LRRC4C: variants seen among roughly 807,000 people sequenced by gnomAD.
LRRC4C encodes leucine rich repeat containing 4C.
LRRC4C carries 5 observed loss-of-function variants against 33.6 expected under a neutral mutation model. That is an observed-to-expected ratio of 0.15 (90% CI 0.08 to 0.31). The LOEUF (loss-of-function observed/expected upper bound fraction) is 0.31, where lower values mean the gene tolerates loss of function less well. Ranked by LOEUF, LRRC4C falls within the 10% of genes least tolerant of loss-of-function variation. LRRC4C has a pLI of 1.00. For missense variants in LRRC4C, 560 were observed against 796.7 expected, an observed-to-expected ratio of 0.70 and a Z score of 3.58; for synonymous variants, 329 against 302.0, an observed-to-expected ratio of 1.09 and a Z score of -0.93.
chr11:40,499,964 T>C (rs1954662343), intron 3 of LRRC4C, among the ~76,000 whole-genome samples: 1 of 152,058 alleles, frequency 6.6e-6, no homozygotes, highest in African/African-American at 2.4e-5. Flanking sequence ...TGGGTGTTTT[T>C]CATGGTGGGC....
intron 3 of LRRC4C, among the ~76,000 whole-genome samples, chr11:40,443,649 C>T (rs1951495917): frequency 6.6e-6 from 1 of 152,140 alleles, no homozygotes; most frequent in South Asian, 2.1e-4. Context: ...TCAGTGGCAA[C>T]TCAGTTAATA....
intron 1 of LRRC4C, among the ~76,000 whole-genome samples, chr11:41,026,701 C>G (rs1856391744): frequency 6.6e-6 from 1 of 151,404 alleles, no homozygotes; most frequent in African/African-American, 2.4e-5. Context: ...ACCACCTTCA[C>G]CATTCAGCAG....
chr11:40,438,826 T>C (rs1026782519), intron 3 of LRRC4C, among the ~76,000 whole-genome samples: 1 of 152,120 alleles, frequency 6.6e-6, no homozygotes, highest in Non-Finnish European at 1.5e-5. Context: ...AATGTCAATA[T>C]CTATTCTTAA....
intron 2 of LRRC4C, among the ~76,000 whole-genome samples, chr11:40,823,422 A>C (rs1490800696): frequency 6.6e-6 from 1 of 151,708 alleles, no homozygotes; most frequent in Non-Finnish European, 1.5e-5. Flanking sequence ...TACATTAATT[A>C]ATTAATTTAA....
chr11:41,329,109 T>C (rs1951213769), intron 1 of LRRC4C, among the ~76,000 whole-genome samples: 1 of 152,226 alleles, frequency 6.6e-6, no homozygotes, highest in Non-Finnish European at 1.5e-5. Context: ...ATTTAACTTC[T>C]GGGTGCTTGG....
At chr11:40,831,879 G>A (rs558707333) in intron 2 of LRRC4C, among the ~76,000 whole-genome samples, 1 of 152,230 alleles carries the variant, frequency 6.6e-6, no homozygotes, top group South Asian at 2.1e-4. Context: ...CATGACACAT[G>A]GGGATTATAA....
chr11:40,407,938 T>A (rs1252409629), intron 3 of LRRC4C, among the ~76,000 whole-genome samples: 1 of 152,010 alleles, frequency 6.6e-6, no homozygotes, highest in Non-Finnish European at 1.5e-5. Context: ...AAAATATTAA[T>A]TATCAACTTA....
rs188437782 is a variant in LRRC4C, at chr11:40,859,011, T to C, written c.-407+74624A>G. ...AGAATCATCAAATTTTCAGACCCAG[T>C]AGTTTCATTATGATTCATCCAAAGG... On this transcript the variant is annotated intron_variant, in intron 2 of 6. Transcript: ENST00000528697. 1.9e-3 allele frequency among the ~76,000 whole-genome samples: 288 copies of C among 152,270 alleles called. 2 individuals are homozygous for C. Among genetic ancestry groups the C allele is most frequent in the African/African-American group, 6.7e-3 (279 of 41,566 alleles).
At chr11:40,251,271 C>G (rs978603239) in intron 4 of LRRC4C, among the ~76,000 whole-genome samples, 3 of 152,036 alleles carry the variant, frequency 2.0e-5, no homozygotes, top group African/African-American at 7.2e-5. Context: ...ATAGATTATT[C>G]TTGCTTCTGT....
intron 3 of LRRC4C, among the ~76,000 whole-genome samples, chr11:40,600,864 T>C (rs1959920717): frequency 1.7e-5 from 1 of 60,554 alleles, no homozygotes; most frequent in Non-Finnish European, 3.6e-5. Context: ...CATATCACCC[T>C]GTTTATACAT....
At chr11:40,490,958 A>G (rs1954118480) in intron 3 of LRRC4C, among the ~76,000 whole-genome samples, 1 of 152,000 alleles carries the variant, frequency 6.6e-6, no homozygotes, top group Non-Finnish European at 1.5e-5. Flanking sequence ...AATGGGAAAA[A>G]TTATGTGTGG....
chr11:40,574,440 A>G (rs1015016279), intron 3 of LRRC4C, among the ~76,000 whole-genome samples: 1 of 152,330 alleles, frequency 6.6e-6, no homozygotes, highest in African/African-American at 2.4e-5. Context: ...AAATACATCT[A>G]TAGGCGATAT....
chr11:40,177,348 G>C (rs1427390436), intron 5 of LRRC4C, among the ~76,000 whole-genome samples: 1 of 152,108 alleles, frequency 6.6e-6, no homozygotes, highest in Non-Finnish European at 1.5e-5. Context: ...ACTTACTTAA[G>C]GTAAAAGCAT....
intron 1 of LRRC4C, among the ~76,000 whole-genome samples, chr11:40,961,067 C>T (rs1266904641): frequency 6.6e-6 from 1 of 151,654 alleles, no homozygotes; most frequent in Non-Finnish European, 1.5e-5. Flanking sequence ...CCTGCCTTTT[C>T]ACAAGGCCAT....
chr11:40,989,178 C>A (rs894225355), intron 1 of LRRC4C, among the ~76,000 whole-genome samples: 2 of 152,110 alleles, frequency 1.3e-5, no homozygotes. Context: ...AAAGGACACA[C>A]AATAAGCTCA....
In LRRC4C at chr11:40,341,687, TA is replaced by T. The variant is rs1182593804; in HGVS notation, c.-269-21967del. On this transcript the variant is annotated intron_variant, in intron 3 of 6. Transcript: ENST00000528697. ...ATGAACCCTAAAACTTAAAGTATAA[TA>T]AAAAAACTTTCAAATTGATATTAAT... 1.1e-4 allele frequency among the ~76,000 whole-genome samples: 16 copies of T among 152,248 alleles called. No individual in the cohort carries two copies. The Middle Eastern group carries it at 0.01, about 97-fold the overall frequency.
chr11:41,071,228 A>G (rs2135423658), intron 1 of LRRC4C, among the ~76,000 whole-genome samples: 1 of 152,226 alleles, frequency 6.6e-6, no homozygotes, highest in South Asian at 2.1e-4. Context: ...GGAGGGGAAC[A>G]ACACACACCA....
intron 4 of LRRC4C, among the ~76,000 whole-genome samples, chr11:40,243,392 T>C (rs1866072961): frequency 6.6e-6 from 1 of 152,160 alleles, no homozygotes; most frequent in Admixed American, 6.6e-5. Context: ...TTCCTAGAAT[T>C]TGAAAGGTAG....
At chr11:40,651,917 T>C (rs770082145) in intron 2 of LRRC4C, among the ~76,000 whole-genome samples, 1 of 152,244 alleles carries the variant, frequency 6.6e-6, no homozygotes, top group African/African-American at 2.4e-5. Flanking sequence ...GGTTCTGTCA[T>C]TGATAAATGA....
Sources: gnomAD v4.1 joint callset for allele counts (sites outside exome capture counted in the v4.1 genomes callset) on GRCh38, gnomAD v4.1.1 for gene constraint, MANE v1.5 for transcripts, NCBI Gene and HGNC (gene_info 2026-07-23, HGNC 2026-07-21) for gene names.